Variants in CSGALNACT1 observed in about 807,000 individuals in gnomAD.
The protein encoded by CSGALNACT1 is chondroitin sulfate N-acetylgalactosaminyltransferase 1, also known as beta4GalNAcT-1.
Under a neutral mutation model 51.0 loss-of-function variants are expected in CSGALNACT1, and 52 were observed. The observed-to-expected ratio is 1.02, with a 90% CI of 0.82 to 1.29. The LOEUF is 1.29. CSGALNACT1 is among the 50% of genes most tolerant of loss of function. The pLI is 0.00. For missense variants in CSGALNACT1, 935 were observed against 679.2 expected (o/e 1.38, Z -4.19); for synonymous variants, 341 against 254.4 (o/e 1.34, Z -3.24).
chr8:19,566,354 C>T (rs751869008), intron 3 of CSGALNACT1, among the ~76,000 whole-genome samples: 3 of 151,922 alleles, frequency 2.0e-5, no homozygotes, highest in East Asian at 3.9e-4. Context: ...TCAGAGGAAG[C>T]GTGGCCCTGC....
At chr8:19,522,009 A>G (rs2080825590) in intron 3 of CSGALNACT1, among the ~76,000 whole-genome samples, 1 of 152,180 alleles carries the variant, frequency 6.6e-6, no homozygotes, top group Non-Finnish European at 1.5e-5. Flanking sequence ...AGTGGTTGAC[A>G]TTACAGGCTC....
intron 6 of CSGALNACT1, among the ~76,000 whole-genome samples, chr8:19,426,127 G>A (rs890899131): frequency 5.3e-5 from 8 of 152,268 alleles, no homozygotes; most frequent in Middle Eastern, 3.4e-3. Context: ...CGGCACACAC[G>A]GGGTGACCAA....
intron 4 of CSGALNACT1, among the ~76,000 whole-genome samples, chr8:19,465,542 C>G (rs1012429228): frequency 3.3e-5 from 5 of 152,214 alleles, no homozygotes; most frequent in African/African-American, 1.2e-4. Flanking sequence ...CTGAAAAAGT[C>G]TAGCAGTTTC....
intron 8 of CSGALNACT1, among the ~76,000 whole-genome samples, chr8:19,412,096 G>T (rs998025379): frequency 4.6e-5 from 7 of 152,156 alleles, no homozygotes; most frequent in African/African-American, 1.7e-4. Flanking sequence ...GCCTCCTAAA[G>T]TGCTGGGATC....
chr8:19,566,459 T>C (rs1207214580), intron 3 of CSGALNACT1, among the ~76,000 whole-genome samples: 1 of 152,116 alleles, frequency 6.6e-6, no homozygotes, highest in African/African-American at 2.4e-5. Flanking sequence ...AAGCCTTATG[T>C]TTATGGTCAT....
At chr8:19,525,615 CAAAAAA>C (rs34787475) in intron 3 of CSGALNACT1, among the ~76,000 whole-genome samples, 7 of 20,356 alleles carry the variant, frequency 3.4e-4, no homozygotes, top group East Asian at 2.1e-3. Flanking sequence ...AAACTTGTCC[CAAAAAA>C]AAAAAAAAAA....
intron 1 of CSGALNACT1, among the ~76,000 whole-genome samples, chr8:19,694,330 T>C (rs914514248): frequency 1.3e-5 from 2 of 152,222 alleles, no homozygotes; most frequent in Admixed American, 1.3e-4. Flanking sequence ...CAGTCCTCCC[T>C]GGAAGCTTCT....
intron 1 of CSGALNACT1, among the ~76,000 whole-genome samples, chr8:19,634,768 C>T (rs572284963): frequency 1.3e-5 from 2 of 152,288 alleles, no homozygotes; most frequent in East Asian, 1.9e-4. Flanking sequence ...GAGCCCTTAC[C>T]AGGAAGCAAA....
At chr8:19,460,410 G>T (rs1481581952) in intron 4 of CSGALNACT1, among the ~76,000 whole-genome samples, 1 of 152,168 alleles carries the variant, frequency 6.6e-6, no homozygotes, top group Non-Finnish European at 1.5e-5. Flanking sequence ...ATGTATGTAT[G>T]GGGAAAAACA....
rs563994791 is a variant in CSGALNACT1 at position 19,533,274 on chromosome 8, A to T, written c.-296-27144T>A. 5.3e-5 allele frequency among the ~76,000 whole-genome samples: 8 copies of T among 151,764 alleles called. No individual in the cohort carries two copies. In the East Asian group the frequency reaches 1.4e-3, roughly 26 times the overall value. Reference sequence around the variant, plus strand: ...TAGACCTACAGGTACATACCACCACACCTAGCTAATTTTTTTATTTTTATT... The same window carrying T: ...TAGACCTACAGGTACATACCACCACTCCTAGCTAATTTTTTTATTTTTATT... On this transcript the variant is annotated intron_variant, in intron 3 of 9. Coordinates refer to ENST00000454498, the Ensembl canonical transcript of CSGALNACT1.
chr8:19,497,940 T>A (rs2075765124), intron 4 of CSGALNACT1, among the ~76,000 whole-genome samples: 1 of 152,178 alleles, frequency 6.6e-6, no homozygotes, highest in African/African-American at 2.4e-5. Flanking sequence ...TTACCACCTT[T>A]GCTTTGAGTT....
intron 5 of CSGALNACT1, 126 bp from the exon 5 acceptor site, chr8:19,440,057 G>C: frequency 2.6e-6 from 2 of 767,254 alleles, no homozygotes; most frequent in Non-Finnish European, 2.3e-6. Context: ...CAGGAGAGCC[G>C]AGATGGGAAT....
intron 8 of CSGALNACT1, among the ~76,000 whole-genome samples, chr8:19,415,414 T>G (rs1232910273): frequency 6.6e-6 from 1 of 152,170 alleles, no homozygotes; most frequent in Non-Finnish European, 1.5e-5. Context: ...AACTCTAAAA[T>G]ATCAGACTTC....
At chr8:19,725,325 G>C (rs1179272634) in intron 1 of CSGALNACT1, among the ~76,000 whole-genome samples, 1 of 152,198 alleles carries the variant, frequency 6.6e-6, no homozygotes, top group Non-Finnish European at 1.5e-5. Context: ...GGGGCACCCA[G>C]TGTGGCTCTG....
chr8:19,575,773 CCT>C (rs577227274), intron 3 of CSGALNACT1, among the ~76,000 whole-genome samples: 31 of 151,772 alleles, frequency 2.0e-4, no homozygotes, highest in African/African-American at 2.7e-4. Context: ...AAAATATTCC[CCT>C]GATTTTTTTC....
chr8:19,690,646 A>C (rs1038808492), intron 1 of CSGALNACT1, among the ~76,000 whole-genome samples: 1 of 152,276 alleles, frequency 6.6e-6, no homozygotes, highest in Non-Finnish European at 1.5e-5. Context: ...CTGTTTAAAA[A>C]TACATGGCTG....
At position 19,429,018 on chromosome 8, in the gene CSGALNACT1, C is replaced by A. The variant is rs566755717; in HGVS notation, c.954-8500G>T. Reference sequence around the variant, plus strand: ...CCTCTTTCTAGTTACAAAATGTTTTCATCACCCCAAAAGGAAATCCTATAC... The same window carrying A: ...CCTCTTTCTAGTTACAAAATGTTTTAATCACCCCAAAAGGAAATCCTATAC... On this transcript the variant is annotated intron_variant, in intron 6 of 9. Coordinates refer to ENST00000454498, the Ensembl canonical transcript of CSGALNACT1. 7.2e-5 allele frequency among the ~76,000 whole-genome samples: 11 copies of A among 152,090 alleles called. No homozygotes were observed. The South Asian group carries it at 2.1e-3, about 29-fold the overall frequency.
intron 3 of CSGALNACT1, among the ~76,000 whole-genome samples, chr8:19,587,330 G>A (rs4631480): frequency 0.93 from 141,362 of 152,270 alleles, 65,735 homozygotes; most frequent in East Asian, 1. Context: ...TGAGCTGTAA[G>A]CAAAACTTGG....
chr8:19,522,871 C>A (rs1012383852), intron 3 of CSGALNACT1, among the ~76,000 whole-genome samples: 2 of 152,182 alleles, frequency 1.3e-5, no homozygotes, highest in African/African-American at 2.4e-5. Flanking sequence ...ATAAAAGATT[C>A]TTCCCAAAGT....
Sources: gnomAD v4.1 joint callset for allele counts (sites outside exome capture counted in the v4.1 genomes callset) on GRCh38, gnomAD v4.1.1 for gene constraint, MANE v1.5 for transcripts, NCBI Gene and HGNC (gene_info 2026-07-23, HGNC 2026-07-21) for gene names.